Variants in CDK6 observed in about 807,000 individuals in gnomAD.
CDK6 encodes cyclin dependent kinase 6, also known as cyclin-dependent kinase 6.
A neutral mutation model predicts 37.1 loss-of-function variants in CDK6; 6 were observed. The observed-to-expected ratio is 0.16, with a 90% CI of 0.09 to 0.32. The LOEUF (loss-of-function observed/expected upper bound fraction) is 0.32. CDK6 is among the 10% of genes least tolerant of loss of function. The pLI is 1.00. For missense variants in CDK6, 224 were observed against 418.9 expected, an observed-to-expected ratio of 0.53 and a Z score of 4.06; for synonymous variants, 160 against 161.3, an observed-to-expected ratio of 0.99 and a Z score of 0.06.
In CDK6 at chr7:92,606,122, A is replaced by C. The variant is rs1795422401; in HGVS notation, c.*9018T>G. On this transcript the variant is annotated 3_prime_UTR_variant, in exon 8 of 8. Transcript: ENST00000424848. Reference sequence around the variant, plus strand: ...GAAAATAGCAGAATGAATTTCAAGTATGAAGAAATACAGTAAAAGTGTGGC... The same window carrying C: ...GAAAATAGCAGAATGAATTTCAAGTCTGAAGAAATACAGTAAAAGTGTGGC... 1 of 233,536 alleles carries C rather than the reference A, an allele frequency of 4.3e-6. No homozygotes were observed. Among genetic ancestry groups the C allele is most frequent in the Non-Finnish European group, 8.5e-6 (1 of 118,008 alleles). 14.5% of individuals were successfully genotyped at this position (233,536 alleles called of 1,614,324 possible).
At chr7:92,629,736 A>T (rs1349640846) in intron 5 of CDK6, among the ~76,000 whole-genome samples, 1 of 152,084 alleles carries the variant, frequency 6.6e-6, no homozygotes, top group Admixed American at 6.6e-5. Context: ...TAGTCTACTC[A>T]GGCTGCAATA....
intron 5 of CDK6, among the ~76,000 whole-genome samples, chr7:92,654,906 C>T (rs1351804156): frequency 6.6e-6 from 1 of 152,044 alleles, no homozygotes; most frequent in African/African-American, 2.4e-5. Context: ...GTTGCAATGG[C>T]ACAATCATGG....
intron 3 of CDK6, 51 bp from the exon 4 acceptor site, chr7:92,725,844 G>A: frequency 1.3e-6 from 2 of 1,546,160 alleles, no homozygotes; most frequent in Non-Finnish European, 1.8e-6. Flanking sequence ...CGGAAGTTGA[G>A]CATTTGCTAT....
intron 3 of CDK6, among the ~76,000 whole-genome samples, chr7:92,732,476 C>T (rs1191952183): frequency 6.6e-6 from 1 of 152,202 alleles, no homozygotes; most frequent in Non-Finnish European, 1.5e-5. Context: ...CTTATCTTTC[C>T]ACATTCTTCC....
Position 92,631,789 on chromosome 7 carries a change from T to C in CDK6, c.648-8703A>G, listed in dbSNP as rs1008517816. 1.1e-4 allele frequency among the ~76,000 whole-genome samples: 16 copies of C among 152,270 alleles called. No homozygotes were observed. In the South Asian group the frequency reaches 1.4e-3, roughly 14 times the overall value. Reference sequence around the variant, plus strand: ...GATAGGCTGTAAGCTGGGTTGAGAATGATTCTGAAGTGCTGTGTAGGTGGA... The same window carrying C: ...GATAGGCTGTAAGCTGGGTTGAGAACGATTCTGAAGTGCTGTGTAGGTGGA... On this transcript the variant is annotated intron_variant, in intron 5 of 7. Transcript: ENST00000424848.
intron 4 of CDK6, among the ~76,000 whole-genome samples, chr7:92,686,299 G>C (rs1423242960): frequency 6.6e-6 from 1 of 151,886 alleles, no homozygotes; most frequent in African/African-American, 2.4e-5. Context: ...CCCCTTCCCT[G>C]AATCCCCAAA....
intron 5 of CDK6, among the ~76,000 whole-genome samples, chr7:92,630,139 C>G (rs1796019513): frequency 6.6e-6 from 1 of 152,064 alleles, no homozygotes; most frequent in Non-Finnish European, 1.5e-5. Context: ...TGTAATATAT[C>G]TTCCATAATT....
chr7:92,832,671 T>C (rs541956061), intron 2 of CDK6, among the ~76,000 whole-genome samples: 1 of 152,302 alleles, frequency 6.6e-6, no homozygotes, highest in Non-Finnish European at 1.5e-5. Flanking sequence ...ATCCTCATTC[T>C]CCAGTCTCAC....
chr7:92,818,537 A>G (rs1275520095), intron 2 of CDK6, among the ~76,000 whole-genome samples: 1 of 152,014 alleles, frequency 6.6e-6, no homozygotes, highest in Non-Finnish European at 1.5e-5. Flanking sequence ...GGAGGTAAAC[A>G]AATATTTATT....
chr7:92,660,394 G>C (rs180880161), intron 5 of CDK6, among the ~76,000 whole-genome samples: 157 of 152,254 alleles, frequency 1.0e-3, no homozygotes, highest in African/African-American at 3.5e-3. Flanking sequence ...AGGGTTCTAA[G>C]GAGAAAAACT....
In CDK6 at chr7:92,615,028, T is replaced by G; in HGVS notation, c.*112A>C. ...CAGAGCCTGTCCAGAAGACAGCAGC[T>G]GGAAGGCCTCCAGATAGCAATCCTC... On this transcript the variant is annotated 3_prime_UTR_variant, in exon 8 of 8. Transcript: ENST00000424848. 1 of 1,098,552 alleles carries G rather than the reference T, an allele frequency of 9.1e-7. No individual in the cohort carries two copies. Among genetic ancestry groups the G allele is most frequent in the Non-Finnish European group, 1.3e-6 (1 of 767,348 alleles). 68.1% of individuals were successfully genotyped at this position (1,098,552 alleles called of 1,614,324 possible).
chr7:92,812,635 A>T (rs1236288832), intron 2 of CDK6, among the ~76,000 whole-genome samples: 1 of 152,104 alleles, frequency 6.6e-6, no homozygotes, highest in Non-Finnish European at 1.5e-5. Context: ...TACGTTGCCC[A>T]GGCTGGTCTC....
At chr7:92,764,081 T>C (rs1372052018) in intron 3 of CDK6, among the ~76,000 whole-genome samples, 3 of 152,062 alleles carry the variant, frequency 2.0e-5, no homozygotes, top group African/African-American at 7.2e-5. Flanking sequence ...GTTTAGTCCA[T>C]TTTCCAGGCA....
chr7:92,661,029 G>C (rs910179208), intron 5 of CDK6, among the ~76,000 whole-genome samples: 2 of 152,162 alleles, frequency 1.3e-5, no homozygotes, highest in African/African-American at 4.8e-5. Context: ...TATGGGCAGA[G>C]GCACCCAGAA....
At position 92,605,791 on chromosome 7, in the gene CDK6, C is replaced by T. The variant is rs556633640; in HGVS notation, c.*9349G>A. On this transcript the variant is annotated 3_prime_UTR_variant, in exon 8 of 8. Transcript: ENST00000424848. ...GGCCATTTTTCTTAGAGGGCAAAAA[C>T]GTTAGAATAGGTAGGAAGGTTCTTG... 8.6e-5 allele frequency: 20 copies of T among 233,308 alleles called. No individual in the cohort carries two copies. Among genetic ancestry groups the T allele is most frequent in the African/African-American group, 2.0e-4 (9 of 45,438 alleles). 14.5% of individuals were successfully genotyped at this position (233,308 alleles called of 1,614,324 possible). A position where few individuals can be genotyped will look rare whatever the true frequency, so the allele number is the denominator to read the frequency against.
intron 3 of CDK6, among the ~76,000 whole-genome samples, chr7:92,741,264 T>C (rs1464052222): frequency 2.0e-5 from 3 of 152,192 alleles, no homozygotes; most frequent in Non-Finnish European, 4.4e-5. Context: ...AAGAGATATA[T>C]GTACAGGTTT....
intron 4 of CDK6, among the ~76,000 whole-genome samples, chr7:92,719,225 A>T (rs1162788409): frequency 6.6e-6 from 1 of 152,202 alleles, no homozygotes; most frequent in African/African-American, 2.4e-5. Context: ...TACACAGACC[A>T]TCCCATCACC....
At chr7:92,636,847 T>C (rs1796184242) in intron 5 of CDK6, among the ~76,000 whole-genome samples, 1 of 152,104 alleles carries the variant, frequency 6.6e-6, no homozygotes, top group Admixed American at 6.5e-5. Context: ...GTATTTTTAG[T>C]GGAGATGGGG....
intron 2 of CDK6, among the ~76,000 whole-genome samples, chr7:92,789,835 CA>C (rs1200662156): frequency 6.6e-6 from 1 of 152,114 alleles, no homozygotes; most frequent in African/African-American, 2.4e-5. Flanking sequence ...ATAATTTGTT[CA>C]AGCATCATAG....
Sources: allele counts gnomAD v4.1 joint callset (sites outside exome capture counted in the v4.1 genomes callset), GRCh38; gene constraint gnomAD v4.1.1; transcripts MANE v1.5; gene names NCBI Gene and HGNC (gene_info 2026-07-23, HGNC 2026-07-21).